Variants in ANKRD20A1 observed in about 807,000 individuals in gnomAD.
ANKRD20A1 encodes ankyrin repeat domain 20 family member A1, also known as ankyrin repeat domain-containing protein 20A1.
ANKRD20A1 carries 2 observed loss-of-function variants against 50.9 expected under a neutral mutation model. The ratio of observed to expected loss-of-function variants is 0.04; its 90% CI spans 0.02 to 0.12. The LOEUF is 0.12. Ranked by LOEUF, ANKRD20A1 falls within the 10% of genes least tolerant of loss-of-function variation. The probability of loss-of-function intolerance (pLI) is 1.00; values close to 1 mark genes in which losing one functional copy is unlikely to be tolerated. For missense variants in ANKRD20A1, 31 were observed against 548.1 expected, an observed-to-expected ratio of 0.06 and a Z score of 9.42; for synonymous variants, 10 against 186.2, an observed-to-expected ratio of 0.05 and a Z score of 7.70.
At chr9:67,867,807 C>T (rs543806491) in intron 4 of ANKRD20A1, among the ~76,000 whole-genome samples, 10 of 109,242 alleles carry the variant, frequency 9.2e-5, no homozygotes, top group African/African-American at 2.4e-4. Flanking sequence ...TACAGGTGCA[C>T]GCCACCATGC....
chr9:67,886,745 T>TG (rs1827885707), intron 9 of ANKRD20A1, among the ~76,000 whole-genome samples: 1 of 98,840 alleles, frequency 1.0e-5, no homozygotes, highest in Non-Finnish European at 2.2e-5. Context: ...AGCTGATCAA[T>TG]GTAGAACACT....
chr9:67,866,064 T>G (rs1264822474), intron 3 of ANKRD20A1, among the ~76,000 whole-genome samples: 20 of 150,808 alleles, frequency 1.3e-4, no homozygotes, highest in African/African-American at 4.4e-4. Context: ...ACAGTACATC[T>G]TTCTCCTCAG....
At chr9:67,875,948 T>C (rs1454818123) in intron 6 of ANKRD20A1, among the ~76,000 whole-genome samples, 7 of 91,712 alleles carry the variant, frequency 7.6e-5, no homozygotes, top group African/African-American at 2.0e-4. Flanking sequence ...TTAGAAAACA[T>C]GATTTGTATA....
intron 8 of ANKRD20A1, among the ~76,000 whole-genome samples, chr9:67,881,565 A>G (rs1827796521): frequency 6.6e-6 from 1 of 152,230 alleles, no homozygotes; most frequent in Non-Finnish European, 1.5e-5. Flanking sequence ...TCAGGAGTTC[A>G]AGATCAGCCT....
intron 8 of ANKRD20A1, among the ~76,000 whole-genome samples, chr9:67,881,296 G>C (rs1477359225): frequency 1.9e-4 from 28 of 144,132 alleles, no homozygotes; most frequent in Admixed American, 1.1e-3. Flanking sequence ...CTCAAAATGT[G>C]TATTGCAAAG....
rs1409982800 is a variant in ANKRD20A1, at chr9:67,896,481, T to C, written c.1153-1078T>C. On this transcript the variant is annotated intron_variant, in intron 12 of 14. Transcript: ENST00000562196. ...AAAGTATGGTGAGTTTTGGCATGTA[T>C]GATTTTTATCATATAAGAAGCATAA... Among the ~76,000 whole-genome samples the C allele has an allele frequency of 3.0e-4, 27 of 89,356 alleles. 8 individuals carry two copies. Among genetic ancestry groups the C allele is most frequent in the African/African-American group, 8.4e-4 (25 of 29,812 alleles). The allele number at this position is 89,356 out of a possible 152,430, so 58.6% of individuals were successfully genotyped here.
At chr9:67,882,922 C>T (rs1216655103) in intron 8 of ANKRD20A1, among the ~76,000 whole-genome samples, 2 of 151,258 alleles carry the variant, frequency 1.3e-5, no homozygotes, top group South Asian at 4.2e-4. Flanking sequence ...TTGCTCAGAA[C>T]GATGGTTTCC....
chr9:67,867,183 AT>A (rs1460095580), intron 3 of ANKRD20A1, 93 bp from the exon 4 acceptor site: 1 of 507,280 alleles, frequency 2.0e-6, no homozygotes, highest in African/African-American at 3.0e-5. Flanking sequence ...TCTGTATTGT[AT>A]GTTGAAGTTC....
intron 6 of ANKRD20A1, among the ~76,000 whole-genome samples, chr9:67,872,689 A>G (rs1170048146): frequency 7.4e-6 from 1 of 135,048 alleles, no homozygotes; most frequent in Non-Finnish European, 1.6e-5. Flanking sequence ...AATTATTATT[A>G]TCATAGGAGA....
In ANKRD20A1 at chr9:67,886,559, A is replaced by G. The variant is rs1409516776; in HGVS notation, c.980-717A>G. 3.4e-5 allele frequency among the ~76,000 whole-genome samples: 3 copies of G among 89,030 alleles called. 1 individual carries two copies. The highest frequency in any genetic ancestry group is 1.0e-4 in the African/African-American group (3 of 29,348). 58.4% of individuals were successfully genotyped at this position (89,030 alleles called of 152,430 possible). A position where few individuals can be genotyped will look rare whatever the true frequency, so the allele number is the denominator to read the frequency against. ...GTTTTCTTTTTTGATAAATATTTTGATATCAGAAGCTTATTCGACATGGTT... is the reference window on the plus strand; with the variant it reads ...GTTTTCTTTTTTGATAAATATTTTGGTATCAGAAGCTTATTCGACATGGTT... On this transcript the variant is annotated intron_variant, in intron 9 of 14. Transcript: ENST00000562196.
At chr9:67,871,490 C>T (rs1239211780) in intron 6 of ANKRD20A1, among the ~76,000 whole-genome samples, 2 of 135,736 alleles carry the variant, frequency 1.5e-5, no homozygotes, top group Admixed American at 7.2e-5. Context: ...TAATTATGAT[C>T]CCTAAAATCC....
At chr9:67,881,538 C>T (rs1352911044) in intron 8 of ANKRD20A1, among the ~76,000 whole-genome samples, 11 of 151,950 alleles carry the variant, frequency 7.2e-5, no homozygotes, top group South Asian at 4.2e-4. Context: ...AGGCCGAGGT[C>T]GGTAGATCAC....
chr9:67,873,255 A>AT (rs1233968290), intron 6 of ANKRD20A1, among the ~76,000 whole-genome samples: 19 of 143,392 alleles, frequency 1.3e-4, no homozygotes, highest in Non-Finnish European at 2.3e-4. Context: ...CCACTTTTTC[A>AT]TTTTTTTTCT....
chr9:67,882,787 C>T (rs1264229499), intron 8 of ANKRD20A1, among the ~76,000 whole-genome samples: 2 of 147,768 alleles, frequency 1.4e-5, no homozygotes, highest in Admixed American at 7.0e-5. Flanking sequence ...TCCCTCCCCC[C>T]TTGTCCGCCC....
chr9:67,881,254 A>G (rs1827789789), intron 8 of ANKRD20A1, among the ~76,000 whole-genome samples: 1 of 138,460 alleles, frequency 7.2e-6, no homozygotes, highest in South Asian at 2.4e-4. Context: ...AAAAATATAA[A>G]TTGTGGAAAT....
rs1226888814 is a variant in ANKRD20A1 at position 67,895,774 on chromosome 9, C to G, written c.1153-1785C>G. ...AGGTAGGCATGTTACAAGTTGAGTT[C>G]CTGGCTTTGGAGAAAAGCAAGTCCA... On this transcript the variant is annotated intron_variant, in intron 12 of 14. Coordinates refer to ENST00000562196, the MANE Select transcript of ANKRD20A1 (RefSeq NM_032250.5). Among the ~76,000 whole-genome samples, 2 of 70,302 alleles carry G rather than the reference C, an allele frequency of 2.8e-5. 1 individual carries two copies. The highest frequency in any genetic ancestry group is 6.2e-5 in the Non-Finnish European group (2 of 32,396). The allele number at this position is 70,302 out of a possible 152,430, so 46.1% of individuals were successfully genotyped here. A position where few individuals can be genotyped will look rare whatever the true frequency, so the allele number is the denominator to read the frequency against.
rs2131552200 is a variant in ANKRD20A1 at position 67,872,368 on chromosome 9, ACACACCTG to A, written c.793+1157_793+1164del. Among the ~76,000 whole-genome samples the A allele has an allele frequency of 1.5e-5, 2 of 133,772 alleles. 1 individual carries two copies. Among genetic ancestry groups the A allele is most frequent in the African/African-American group, 5.5e-5 (2 of 36,098 alleles). 87.8% of individuals were successfully genotyped at this position (133,772 alleles called of 152,430 possible). On this transcript the variant is annotated intron_variant, in intron 6 of 14. Coordinates refer to ENST00000562196, the MANE Select transcript of ANKRD20A1 (RefSeq NM_032250.5). ...TACACATACACACACGCACATGTGC[ACACACCTG>A]TGCACACAGACACAAAGTTAAAAGT...
chr9:67,871,844 C>G (rs79493883), intron 6 of ANKRD20A1, among the ~76,000 whole-genome samples: 6 of 143,562 alleles, frequency 4.2e-5, no homozygotes, highest in African/African-American at 1.5e-4. Flanking sequence ...ATACTGTGTT[C>G]GTACAATAAA....
At chr9:67,890,604 A>T (rs1370077539) in intron 11 of ANKRD20A1, among the ~76,000 whole-genome samples, 70 of 151,550 alleles carry the variant, frequency 4.6e-4, no homozygotes, top group African/African-American at 1.5e-3. Flanking sequence ...GTCTTAATGG[A>T]TAATCATGCA....
Sources: allele counts gnomAD v4.1 joint callset (sites outside exome capture counted in the v4.1 genomes callset), GRCh38; gene constraint gnomAD v4.1.1; transcripts MANE v1.5; gene names NCBI Gene and HGNC (gene_info 2026-07-23, HGNC 2026-07-21).